PLSCR1: variants seen among roughly 807,000 people sequenced by gnomAD.
The protein encoded by PLSCR1 is PL scramblase 1.
Under a neutral mutation model 37.8 loss-of-function variants are expected in PLSCR1, and 17 were observed. The ratio of observed to expected loss-of-function variants is 0.45; its 90% CI spans 0.31 to 0.68. The LOEUF (loss-of-function observed/expected upper bound fraction) is 0.68. Among genes scored for constraint, PLSCR1 ranks in the 30% least tolerant of loss-of-function variants. The pLI is 0.06. For missense variants in PLSCR1, 347 were observed against 380.9 expected (o/e 0.91, Z 0.74); for synonymous variants, 116 against 125.9 (o/e 0.92, Z 0.53).
chr3:146,543,937 C>T lies in PLSCR1; in HGVS notation c.-14+530G>A, dbSNP rs565527739. 1.8e-3 allele frequency among the ~76,000 whole-genome samples: 276 copies of T among 152,134 alleles called. 1 individual carries two copies. Among genetic ancestry groups the T allele is most frequent in the African/African-American group, 6.4e-3 (264 of 41,474 alleles). Reference sequence around the variant, plus strand: ...GTGCTAGATACCGCCACTATCTTTCCTAAGCTGGTATTGTAGAGGGCCTAG... The same window carrying T: ...GTGCTAGATACCGCCACTATCTTTCTTAAGCTGGTATTGTAGAGGGCCTAG... On this transcript the variant is annotated intron_variant, in intron 1 of 8. Transcript: ENST00000342435.
chr3:146,517,972 C>T (rs2043969724), intron 7 of PLSCR1, among the ~76,000 whole-genome samples: 1 of 152,052 alleles, frequency 6.6e-6, no homozygotes, highest in Non-Finnish European at 1.5e-5. Context: ...TCCTTTTCAG[C>T]TAAATAAATG....
intron 3 of PLSCR1, among the ~76,000 whole-genome samples, 159 bp downstream of exon 3, chr3:146,533,311 G>A (rs2044222689): frequency 6.6e-6 from 1 of 151,852 alleles, no homozygotes; most frequent in East Asian, 1.9e-4. Flanking sequence ...AGAACAACTA[G>A]GCTGCCAAAA....
intron 3 of PLSCR1, among the ~76,000 whole-genome samples, chr3:146,531,327 G>A (rs1031456465): frequency 6.6e-6 from 1 of 152,170 alleles, no homozygotes; most frequent in African/African-American, 2.4e-5. Flanking sequence ...CATGGAAAAG[G>A]CCATCCTGAG....
At chr3:146,540,872 A>G (rs1037744449) in intron 1 of PLSCR1, 3 of 152,170 alleles carry the variant, frequency 2.0e-5, no homozygotes, top group Non-Finnish European at 4.4e-5. Context: ...GGTAAGTCAC[A>G]AATCAAGTAA....
At chr3:146,537,155 G>A (rs1414736101) in intron 1 of PLSCR1, among the ~76,000 whole-genome samples, 1 of 151,606 alleles carries the variant, frequency 6.6e-6, no homozygotes, top group Non-Finnish European at 1.5e-5. Flanking sequence ...CCACTCTCAG[G>A]AGTTGTCACA....
intron 1 of PLSCR1, among the ~76,000 whole-genome samples, chr3:146,543,747 T>C: frequency 6.6e-6 from 1 of 152,212 alleles, no homozygotes; most frequent in East Asian, 1.9e-4. Flanking sequence ...TCTAAGAATT[T>C]TACATTAATA....
rs188609327 is a variant in PLSCR1 at position 146,529,281 on chromosome 3, T to G, written c.95-450A>C. On this transcript the variant is annotated intron_variant, in intron 3 of 8. Transcript: ENST00000342435. ...TCTAGCAAATGCCTTATAATATATG[T>G]ATAGAACTGGGGGTAGTTTTGCCCC... 2.1e-3 allele frequency among the ~76,000 whole-genome samples: 317 copies of G among 152,250 alleles called. 2 individuals carry two copies. Among genetic ancestry groups the G allele is most frequent in the African/African-American group, 6.4e-3 (267 of 41,546 alleles).
intron 1 of PLSCR1, among the ~76,000 whole-genome samples, chr3:146,543,922 C>T (rs1201293842): frequency 6.6e-6 from 1 of 152,182 alleles, no homozygotes; most frequent in African/African-American, 2.4e-5. Context: ...GTGCTAGATA[C>T]CGCCACTATC....
At chr3:146,524,468 A>G (rs1299519959) in intron 5 of PLSCR1, among the ~76,000 whole-genome samples, 1 of 151,868 alleles carries the variant, frequency 6.6e-6, no homozygotes, top group Non-Finnish European at 1.5e-5. Context: ...TTTTTTGAAA[A>G]ATAAGCATAA....
intron 4 of PLSCR1, chr3:146,528,368 C>T (rs371146016): frequency 2.0e-6 from 1 of 509,958 alleles, no homozygotes; most frequent in Admixed American, 3.3e-5. Flanking sequence ...GGAAACAGTG[C>T]TAATTAAATG....
intron 5 of PLSCR1, among the ~76,000 whole-genome samples, chr3:146,523,671 C>T (rs771547122): frequency 6.6e-5 from 10 of 152,208 alleles, no homozygotes; most frequent in Admixed American, 6.5e-4. Flanking sequence ...GGCTTCAACT[C>T]ACAGAATATC....
chr3:146,529,522 T>G (rs1235251399), intron 3 of PLSCR1, among the ~76,000 whole-genome samples: 1 of 151,942 alleles, frequency 6.6e-6, no homozygotes, highest in South Asian at 2.1e-4. Flanking sequence ...TTCCATTTTT[T>G]TTTTTTTTGA....
intron 1 of PLSCR1, chr3:146,536,834 G>A (rs932830895): frequency 1.2e-5 from 4 of 332,410 alleles, no homozygotes; most frequent in Non-Finnish European, 1.7e-5. Flanking sequence ...CAGTGAGGCA[G>A]AAAGCCATAA....
At chr3:146,526,275 A>G (rs2108638533) in intron 4 of PLSCR1, among the ~76,000 whole-genome samples, 1 of 151,964 alleles carries the variant, frequency 6.6e-6, no homozygotes, top group South Asian at 2.1e-4. Flanking sequence ...GCTCAACATC[A>G]CTAATCACCA....
At chr3:146,516,155 A>G in intron 8 of PLSCR1, 54 bp from the exon 9 acceptor site, 1 of 1,088,546 alleles carries the variant, frequency 9.2e-7, no homozygotes, top group South Asian at 1.4e-5. Context: ...ACAGAGATCA[A>G]TTATCAGATG....
rs147625309 is a variant in PLSCR1, at chr3:146,531,383, T to C, written c.94+2087A>G. Among the ~76,000 whole-genome samples, 777 of 152,204 alleles carry C rather than the reference T, an allele frequency of 5.1e-3. 3 individuals carry two copies. Among genetic ancestry groups the C allele is most frequent in the Admixed American group, 8.4e-3 (129 of 15,294 alleles). On this transcript the variant is annotated intron_variant, in intron 3 of 8. Transcript: ENST00000342435. ...TAAAAGTAATAGGCCACTAATAAAA[T>C]AGGGGCTCTACACTCTCTGTAATAT...
intron 7 of PLSCR1, among the ~76,000 whole-genome samples, chr3:146,520,725 G>T (rs759744622): frequency 3.3e-5 from 5 of 152,114 alleles, no homozygotes; most frequent in Non-Finnish European, 5.9e-5. Context: ...GTAAGGGGTG[G>T]AGACAGTGGT....
At chr3:146,519,086 ATTTAT>A (rs2043983989) in intron 7 of PLSCR1, among the ~76,000 whole-genome samples, 1 of 152,146 alleles carries the variant, frequency 6.6e-6, no homozygotes, top group East Asian at 1.9e-4. Flanking sequence ...CTTACTAATG[ATTTAT>A]TTATTTACTG....
chr3:146,533,209 ATGT>A (rs909301991), intron 3 of PLSCR1, among the ~76,000 whole-genome samples: 1 of 152,206 alleles, frequency 6.6e-6, no homozygotes, highest in African/African-American at 2.4e-5. Context: ...TGTAAACCTA[ATGT>A]TGTTTTTACT....
Sources: allele counts gnomAD v4.1 joint callset (sites outside exome capture counted in the v4.1 genomes callset), GRCh38; gene constraint gnomAD v4.1.1; transcripts MANE v1.5; gene names NCBI Gene and HGNC (gene_info 2026-07-23, HGNC 2026-07-21).